Variants in KIF26B observed in about 807,000 individuals in gnomAD.
KIF26B encodes the protein kinesin-like protein KIF26B.
KIF26B carries 63 observed loss-of-function variants against 151.2 expected under a neutral mutation model. That is an observed-to-expected ratio of 0.42 (90% CI 0.34 to 0.51). KIF26B has a LOEUF of 0.51. KIF26B is among the 20% of genes least tolerant of loss of function. The pLI, the probability that KIF26B is intolerant of heterozygous loss-of-function variation, is 0.07. For synonymous variants in KIF26B, 1,357 were observed against 1,262.1 expected, an observed-to-expected ratio of 1.08 and a Z score of -1.59; for missense variants, 2,813 against 2,913.6, an observed-to-expected ratio of 0.97 and a Z score of 0.79.
At chr1:245,346,660 A>G (rs1321997901) in intron 2 of KIF26B, among the ~76,000 whole-genome samples, 1 of 152,098 alleles carries the variant, frequency 6.6e-6, no homozygotes, top group Non-Finnish European at 1.5e-5. Flanking sequence ...ACTCAACCTC[A>G]GCCCCCCATT....
At chr1:245,668,695 T>C (rs1477041838) in intron 10 of KIF26B, among the ~76,000 whole-genome samples, 5 of 146,462 alleles carry the variant, frequency 3.4e-5, no homozygotes, top group African/African-American at 1.4e-4. Flanking sequence ...TCTTTTCTTT[T>C]CTTTTCTTTT....
At chr1:245,652,202 T>C (rs1273664224) in intron 10 of KIF26B, among the ~76,000 whole-genome samples, 1 of 151,764 alleles carries the variant, frequency 6.6e-6, no homozygotes, top group African/African-American at 2.4e-5. Flanking sequence ...CTGTATTTTC[T>C]CCCCCTGATT....
chr1:245,163,635 C>T (rs1668568575), intron 2 of KIF26B, among the ~76,000 whole-genome samples: 1 of 152,002 alleles, frequency 6.6e-6, no homozygotes, highest in Non-Finnish European at 1.5e-5. Flanking sequence ...TTGAATCTTT[C>T]CCAAGAACAT....
At chr1:245,530,094 GATC>G (rs1661327516) in intron 4 of KIF26B, among the ~76,000 whole-genome samples, 1 of 152,186 alleles carries the variant, frequency 6.6e-6, no homozygotes, top group Non-Finnish European at 1.5e-5. Flanking sequence ...ATCATTCATT[GATC>G]ATCATAGAAA....
intron 4 of KIF26B, among the ~76,000 whole-genome samples, chr1:245,462,511 T>C (rs1165498636): frequency 6.6e-6 from 1 of 152,178 alleles, no homozygotes; most frequent in Non-Finnish European, 1.5e-5. Context: ...TACTCCTTTG[T>C]GGAGCAGGAG....
chr1:245,460,008 C>T (rs1659614277), intron 4 of KIF26B, among the ~76,000 whole-genome samples: 1 of 151,902 alleles, frequency 6.6e-6, no homozygotes, highest in Non-Finnish European at 1.5e-5. Context: ...TTGAGACAGT[C>T]TCGCTCTATC....
At chr1:245,268,147 G>C (rs78540359) in intron 2 of KIF26B, among the ~76,000 whole-genome samples, 1,621 of 152,126 alleles carry the variant, frequency 0.011, 30 homozygotes, top group African/African-American at 0.036. Flanking sequence ...ACTCTAGGCT[G>C]GGTGACACAG....
intron 2 of KIF26B, among the ~76,000 whole-genome samples, chr1:245,171,415 A>G (rs929496647): frequency 2.6e-5 from 4 of 152,132 alleles, no homozygotes; most frequent in Admixed American, 1.3e-4. Flanking sequence ...GTGGTGGCAC[A>G]TGCCTGTAAT....
chr1:245,199,487 G>A, intron 2 of KIF26B, among the ~76,000 whole-genome samples: 1 of 143,856 alleles, frequency 7.0e-6, no homozygotes, highest in East Asian at 2.0e-4. Flanking sequence ...CATATCTTTG[G>A]TTTTTTTTTT....
intron 3 of KIF26B, among the ~76,000 whole-genome samples, chr1:245,416,692 G>A (rs1465450915): frequency 1.3e-5 from 2 of 152,162 alleles, no homozygotes; most frequent in Non-Finnish European, 2.9e-5. Flanking sequence ...AAAAGTGGGA[G>A]CATTCCATAT....
chr1:245,216,159 T>A (rs938086628), intron 2 of KIF26B: 1 of 151,670 alleles, frequency 6.6e-6, no homozygotes, highest in East Asian at 1.9e-4. Flanking sequence ...TTAAGAGATA[T>A]CCCTTCTCCT....
intron 2 of KIF26B, among the ~76,000 whole-genome samples, chr1:245,296,325 A>G (rs982039084): frequency 4.6e-5 from 7 of 152,130 alleles, no homozygotes; most frequent in African/African-American, 1.7e-4. Context: ...TCTGTGCTGA[A>G]GAACCATCTC....
chr1:245,269,500 T>C (rs1347502851), intron 2 of KIF26B, among the ~76,000 whole-genome samples: 1 of 151,998 alleles, frequency 6.6e-6, no homozygotes, highest in Non-Finnish European at 1.5e-5. Context: ...AGGTTAGCTC[T>C]GTCGCCCAGG....
At chr1:245,363,634 G>A (rs1195129566) in intron 2 of KIF26B, among the ~76,000 whole-genome samples, 2 of 152,198 alleles carry the variant, frequency 1.3e-5, no homozygotes, top group East Asian at 1.9e-4. Flanking sequence ...TATGTATAAT[G>A]TGTGGATAAG....
At chr1:245,490,791 A>G (rs1660393580) in intron 4 of KIF26B, among the ~76,000 whole-genome samples, 2 of 152,198 alleles carry the variant, frequency 1.3e-5, no homozygotes, top group Non-Finnish European at 2.9e-5. Context: ...AATGATATGT[A>G]TGTTGAAAAA....
At chr1:245,193,433 C>G (rs575811203) in intron 2 of KIF26B, among the ~76,000 whole-genome samples, 2 of 151,958 alleles carry the variant, frequency 1.3e-5, no homozygotes, top group South Asian at 4.2e-4. Flanking sequence ...AATCATATGA[C>G]TCAGTCTGTT....
At chr1:245,246,942 T>A (rs899902942) in intron 2 of KIF26B, among the ~76,000 whole-genome samples, 1 of 131,748 alleles carries the variant, frequency 7.6e-6, no homozygotes, top group Admixed American at 7.5e-5. Context: ...CACACACAGA[T>A]ACAGACACAC....
At chr1:245,513,040 G>C (rs180822872) in intron 4 of KIF26B, among the ~76,000 whole-genome samples, 21 of 152,130 alleles carry the variant, frequency 1.4e-4, no homozygotes, top group African/African-American at 4.8e-4. Context: ...CCTGGATTTT[G>C]AGCAAAGGAG....
intron 4 of KIF26B, among the ~76,000 whole-genome samples, chr1:245,511,838 G>GA (rs1217388938): frequency 6.6e-6 from 1 of 152,100 alleles, no homozygotes; most frequent in African/African-American, 2.4e-5. Context: ...ATTCAGGGAG[G>GA]AAAAACAAGT....
Sources: allele counts gnomAD v4.1 joint callset (sites outside exome capture counted in the v4.1 genomes callset), GRCh38; gene constraint gnomAD v4.1.1; transcripts MANE v1.5; gene names NCBI Gene and HGNC (gene_info 2026-07-23, HGNC 2026-07-21).